Variants in ATXN1 observed in about 807,000 individuals in gnomAD.
ATXN1 encodes the protein ataxin 1.
ATXN1 carries 8 observed loss-of-function variants against 56.4 expected under a neutral mutation model. The ratio of observed to expected loss-of-function variants is 0.14; its 90% CI spans 0.08 to 0.26. The LOEUF (loss-of-function observed/expected upper bound fraction) is 0.26, where lower values mean the gene tolerates loss of function less well. Ranked by LOEUF, ATXN1 falls within the 10% of genes least tolerant of loss-of-function variation. The pLI, the probability that ATXN1 is intolerant of heterozygous loss-of-function variation, is 1.00. For missense variants in ATXN1, 987 were observed against 1,106.5 expected, an observed-to-expected ratio of 0.89 and a Z score of 1.53; for synonymous variants, 514 against 494.6, an observed-to-expected ratio of 1.04 and a Z score of -0.52.
At chr6:16,566,060 G>T (rs970056735) in intron 4 of ATXN1, among the ~76,000 whole-genome samples, 1 of 151,990 alleles carries the variant, frequency 6.6e-6, no homozygotes, top group African/African-American at 2.4e-5. Context: ...GAGAGAAAAA[G>T]GATTTTTCAG....
chr6:16,689,500 CTTTT>C (rs150019337), intron 2 of ATXN1, among the ~76,000 whole-genome samples: 4,148 of 131,382 alleles, frequency 0.032, 269 homozygotes, highest in East Asian at 0.31. Context: ...TTTTTCCTTC[CTTTT>C]TTTTTCTTTT....
intron 4 of ATXN1, among the ~76,000 whole-genome samples, chr6:16,549,528 A>ATAGG (rs772566497): frequency 1.9e-4 from 29 of 152,306 alleles, no homozygotes; most frequent in African/African-American, 5.5e-4. Context: ...CAGCTCCCAT[A>ATAGG]TAGGTGTCTG....
intron 2 of ATXN1, among the ~76,000 whole-genome samples, chr6:16,689,206 A>G (rs732409): frequency 0.95 from 145,084 of 152,300 alleles, 69,167 homozygotes; most frequent in East Asian, 1. Context: ...TTGAGTCTGC[A>G]TGACTCATGA....
chr6:16,661,183 T>G (rs1758313054), intron 2 of ATXN1, among the ~76,000 whole-genome samples: 1 of 152,120 alleles, frequency 6.6e-6, no homozygotes, highest in African/African-American at 2.4e-5. Flanking sequence ...GAAACCTGGC[T>G]CTTCGTTTCG....
chr6:16,368,942 G>A (rs892166873), intron 6 of ATXN1, among the ~76,000 whole-genome samples: 8 of 152,188 alleles, frequency 5.3e-5, no homozygotes, highest in Admixed American at 5.2e-4. Context: ...AATCTATGCT[G>A]TAGCTGTAAA....
intron 7 of ATXN1, among the ~76,000 whole-genome samples, chr6:16,318,755 A>ACACATGGTAGCGTGGCTCACAGAGCTC (rs1760573348): frequency 6.6e-6 from 1 of 152,162 alleles, no homozygotes; most frequent in Non-Finnish European, 1.5e-5. Context: ...GGTTTTTCTT[A>ACACATGGTAGCGTGGCTCACAGAGCTC]CACATGGTAG....
At chr6:16,672,663 A>G (rs558067980) in intron 2 of ATXN1, among the ~76,000 whole-genome samples, 1 of 152,344 alleles carries the variant, frequency 6.6e-6, no homozygotes, top group South Asian at 2.1e-4. Context: ...GAGATGCAAC[A>G]TTGATGGCTT....
chr6:16,451,748 TC>T (rs1341952355), intron 6 of ATXN1, among the ~76,000 whole-genome samples: 1 of 147,736 alleles, frequency 6.8e-6, no homozygotes, highest in Non-Finnish European at 1.5e-5. Context: ...AGAGCAAAAC[TC>T]CGTCTCAAAA....
At chr6:16,722,405 C>T (rs956611225) in intron 2 of ATXN1, among the ~76,000 whole-genome samples, 6 of 152,132 alleles carry the variant, frequency 3.9e-5, no homozygotes, top group African/African-American at 7.2e-5. Flanking sequence ...ACATGTTCCA[C>T]GTCCTGTGAA....
chr6:16,343,497 G>C (rs967072828), intron 6 of ATXN1, among the ~76,000 whole-genome samples: 1 of 152,144 alleles, frequency 6.6e-6, no homozygotes, highest in East Asian at 1.9e-4. Context: ...TTCCAGGACT[G>C]GACGTCAGGG....
At chr6:16,316,142 A>G (rs1760503545) in intron 7 of ATXN1, among the ~76,000 whole-genome samples, 1 of 152,142 alleles carries the variant, frequency 6.6e-6, no homozygotes, top group Non-Finnish European at 1.5e-5. Flanking sequence ...TTCTCATAGG[A>G]GCGTGAACCC....
At chr6:16,577,289 C>T (rs1452306116) in intron 4 of ATXN1, among the ~76,000 whole-genome samples, 7 of 152,018 alleles carry the variant, frequency 4.6e-5, no homozygotes, top group East Asian at 1.9e-4. Flanking sequence ...TTTGGGAGGC[C>T]GAGGAGGGTG....
chr6:16,480,541 A>T (rs2113649702), intron 6 of ATXN1, among the ~76,000 whole-genome samples: 1 of 152,238 alleles, frequency 6.6e-6, no homozygotes. Flanking sequence ...CTAGAGTCTC[A>T]AAGGGCAGTA....
intron 6 of ATXN1, among the ~76,000 whole-genome samples, chr6:16,430,052 G>A (rs950928056): frequency 3.9e-5 from 6 of 152,112 alleles, no homozygotes; most frequent in South Asian, 2.1e-4. Flanking sequence ...TTTTTGTGGC[G>A]GGTGTTGAGA....
chr6:16,710,686 C>T (rs1196815573), intron 2 of ATXN1, among the ~76,000 whole-genome samples: 1 of 152,188 alleles, frequency 6.6e-6, no homozygotes, highest in Admixed American at 6.5e-5. Flanking sequence ...CTCCTGGGCT[C>T]AAGCGATCCT....
intron 3 of ATXN1, among the ~76,000 whole-genome samples, chr6:16,648,341 C>T (rs1763837385): frequency 6.6e-6 from 1 of 152,120 alleles, no homozygotes; most frequent in Admixed American, 6.5e-5. Flanking sequence ...TGAGAGGCAC[C>T]TTAGGTTGTA....
At chr6:16,510,276 G>GA (rs1761059603) in intron 5 of ATXN1, among the ~76,000 whole-genome samples, 1 of 152,174 alleles carries the variant, frequency 6.6e-6, no homozygotes, top group Non-Finnish European at 1.5e-5. Flanking sequence ...GACAGGATCA[G>GA]AACCTGCATT....
chr6:16,592,626 A>C (rs923702567), intron 3 of ATXN1, among the ~76,000 whole-genome samples: 2 of 152,066 alleles, frequency 1.3e-5, no homozygotes, highest in Non-Finnish European at 2.9e-5. Context: ...AGGAAGCACT[A>C]TACAGAAAGC....
intron 5 of ATXN1, among the ~76,000 whole-genome samples, chr6:16,514,923 C>T (rs236961): frequency 0.37 from 56,289 of 151,334 alleles, 10,637 homozygotes; most frequent in South Asian, 0.46. Context: ...GCAGAGGTTG[C>T]AGTGAGCCGA....
Sources: allele counts gnomAD v4.1 joint callset (sites outside exome capture counted in the v4.1 genomes callset), GRCh38; gene constraint gnomAD v4.1.1; transcripts MANE v1.5; gene names NCBI Gene and HGNC (gene_info 2026-07-23, HGNC 2026-07-21).